CSNK2A2IP: variants seen among roughly 807,000 people sequenced by gnomAD.
The protein encoded by CSNK2A2IP is casein kinase II subunit alpha'-interacting protein.
chr3:88,356,065 T>C, the CSNK2A2IP span, among the ~76,000 whole-genome samples: 1,355 of 152,238 alleles, frequency 8.9e-3, 17 homozygotes, highest in African/African-American at 0.031. Context: ...ATCTAACACC[T>C]TAAACATTTG....
the CSNK2A2IP span, among the ~76,000 whole-genome samples, chr3:88,376,264 TA>T: frequency 2.6e-5 from 4 of 151,834 alleles, no homozygotes; most frequent in African/African-American, 9.7e-5. Context: ...ACATATTAAT[TA>T]TTCAAATCAA....
chr3:88,433,982 T>TA, the CSNK2A2IP span, among the ~76,000 whole-genome samples: 1 of 152,138 alleles, frequency 6.6e-6, no homozygotes, highest in Non-Finnish European at 1.5e-5. Context: ...ATCACGCTGT[T>TA]AAAAAATGTG....
At chr3:88,411,375 A>ATCTATCTG in the CSNK2A2IP span, among the ~76,000 whole-genome samples, 1 of 119,654 alleles carries the variant, frequency 8.4e-6, no homozygotes, top group Non-Finnish European at 1.7e-5. Context: ...CTATCTATCT[A>ATCTATCTG]TCTGTCTATC....
chr3:88,358,162 C>T, the CSNK2A2IP span, among the ~76,000 whole-genome samples: 1 of 152,056 alleles, frequency 6.6e-6, no homozygotes, highest in Non-Finnish European at 1.5e-5. Flanking sequence ...TATAGAAATG[C>T]TACTGATTTT....
At chr3:88,422,641 T>A in the CSNK2A2IP span, among the ~76,000 whole-genome samples, 1 of 152,188 alleles carries the variant, frequency 6.6e-6, no homozygotes, top group Admixed American at 6.5e-5. Flanking sequence ...TCTGATGGTA[T>A]AGTTTCATTG....
At chr3:88,464,265 T>C in the CSNK2A2IP span, among the ~76,000 whole-genome samples, 1 of 151,732 alleles carries the variant, frequency 6.6e-6, no homozygotes, top group African/African-American at 2.4e-5. Context: ...TATACATATG[T>C]AACAAACCTG....
At chr3:88,413,265 G>A in the CSNK2A2IP span, among the ~76,000 whole-genome samples, 2 of 151,884 alleles carry the variant, frequency 1.3e-5, no homozygotes, top group Non-Finnish European at 2.9e-5. Flanking sequence ...AAAGCAGGAT[G>A]GTGTATAGGC....
the CSNK2A2IP span, among the ~76,000 whole-genome samples, chr3:88,426,463 A>G: frequency 6.6e-6 from 1 of 152,194 alleles, no homozygotes; most frequent in Non-Finnish European, 1.5e-5. Context: ...TAACAAAATA[A>G]TTCCTATGCT....
chr3:88,457,371 T>C, the CSNK2A2IP span, among the ~76,000 whole-genome samples: 2 of 152,082 alleles, frequency 1.3e-5, no homozygotes, highest in African/African-American at 2.4e-5. Flanking sequence ...TTTTTATCTA[T>C]ATTTATAAGA....
chr3:88,440,102 C>A, the CSNK2A2IP span, among the ~76,000 whole-genome samples: 1 of 152,108 alleles, frequency 6.6e-6, no homozygotes, highest in East Asian at 1.9e-4. Flanking sequence ...TTTCTTCTGG[C>A]TCTAAAATTT....
chr3:88,452,633 C>T, the CSNK2A2IP span, among the ~76,000 whole-genome samples: 1 of 152,094 alleles, frequency 6.6e-6, no homozygotes, highest in African/African-American at 2.4e-5. Flanking sequence ...GTGAAAATGG[C>T]AGAATTTACT....
chr3:88,387,242 G>A, the CSNK2A2IP span, among the ~76,000 whole-genome samples: 3 of 149,042 alleles, frequency 2.0e-5, no homozygotes, highest in African/African-American at 7.5e-5. Context: ...GCTCATTGCA[G>A]CCTCCGCCTC....
chr3:88,357,812 T>A, the CSNK2A2IP span, among the ~76,000 whole-genome samples: 1 of 151,884 alleles, frequency 6.6e-6, no homozygotes, highest in Non-Finnish European at 1.5e-5. Flanking sequence ...TGGAGTGCAG[T>A]GGCATGATCT....
At chr3:88,438,644 C>G in the CSNK2A2IP span, among the ~76,000 whole-genome samples, 2 of 152,192 alleles carry the variant, frequency 1.3e-5, no homozygotes, top group Non-Finnish European at 2.9e-5. Flanking sequence ...GGCTTCTCCA[C>G]TAATTCTGTA....
chr3:88,348,230 T>C, the CSNK2A2IP span, among the ~76,000 whole-genome samples: 1 of 152,040 alleles, frequency 6.6e-6, no homozygotes, highest in Admixed American at 6.6e-5. Context: ...AGAATTTCTG[T>C]TCTTGCAGCT....
chr3:88,393,618 T>C, the CSNK2A2IP span, among the ~76,000 whole-genome samples: 1 of 152,202 alleles, frequency 6.6e-6, no homozygotes, highest in East Asian at 1.9e-4. Context: ...CAGAGTGACA[T>C]ATACAGAATT....
chr3:88,413,015 A>G, the CSNK2A2IP span, among the ~76,000 whole-genome samples: 1 of 152,066 alleles, frequency 6.6e-6, no homozygotes, highest in Non-Finnish European at 1.5e-5. Flanking sequence ...AGAAGTAGGT[A>G]TCCCTATTTT....
At chr3:88,432,407 A>G in the CSNK2A2IP span, among the ~76,000 whole-genome samples, 1 of 151,902 alleles carries the variant, frequency 6.6e-6, no homozygotes, top group Non-Finnish European at 1.5e-5. Flanking sequence ...AATCTATGGC[A>G]TAAAGTATCT....
At chr3:88,429,442 G>A in the CSNK2A2IP span, among the ~76,000 whole-genome samples, 4 of 152,256 alleles carry the variant, frequency 2.6e-5, no homozygotes, top group East Asian at 7.7e-4. Flanking sequence ...GCTCTTCTCT[G>A]TCCCAAATCA....
Sources: allele counts gnomAD v4.1 joint callset (sites outside exome capture counted in the v4.1 genomes callset), GRCh38; gene constraint gnomAD v4.1.1; transcripts MANE v1.5; gene names NCBI Gene and HGNC (gene_info 2026-07-23, HGNC 2026-07-21).